Variants in LAMC1 observed in about 807,000 individuals in gnomAD.
The protein encoded by LAMC1 is laminin subunit gamma 1.
In LAMC1, 38 loss-of-function variants were observed where a neutral mutation model predicts 173.6. The ratio of observed to expected loss-of-function variants is 0.22; its 90% CI spans 0.17 to 0.29. The LOEUF (loss-of-function observed/expected upper bound fraction) is 0.29. LAMC1 is among the 10% of genes least tolerant of loss of function. LAMC1 has a pLI of 1.00. For missense variants in LAMC1, 1,824 were observed against 2,051.8 expected (o/e 0.89, Z 2.14); for synonymous variants, 746 against 749.1 (o/e 1.00, Z 0.07).
In LAMC1 at chr1:183,145,289, C is replaced by T. The variant is rs1001178822; in HGVS notation, c.*2499C>T. ...AGATGATACCTTAATTACACTCCCG[C>T]AACACAGCCATTATTTTATTGTCTA... is the stretch of plus-strand genomic sequence containing the variant. On this transcript the variant is annotated 3_prime_UTR_variant, in exon 28 of 28. Transcript: ENST00000258341. 1 of 152,610 alleles carries T rather than the reference C, an allele frequency of 6.6e-6. No homozygotes were observed. Among genetic ancestry groups the T allele is most frequent in the Non-Finnish European group, 1.5e-5 (1 of 68,036 alleles). The allele number at this position is 152,610 out of a possible 1,614,324, so 9.5% of individuals were successfully genotyped here.
At chr1:183,107,477 C>CGAGT (rs1558050102) in intron 2 of LAMC1, among the ~76,000 whole-genome samples, 1 of 152,114 alleles carries the variant, frequency 6.6e-6, no homozygotes, top group Non-Finnish European at 1.5e-5. Context: ...AGTACTTGAG[C>CGAGT]ATCTCCCTCA....
chr1:183,107,402 G>A (rs1656007997), intron 2 of LAMC1, among the ~76,000 whole-genome samples: 2 of 152,128 alleles, frequency 1.3e-5, no homozygotes, highest in South Asian at 2.1e-4. Flanking sequence ...TGATATTGTG[G>A]GGAGGGTCAA....
At chr1:183,060,393 GA>G (rs113876062) in intron 1 of LAMC1, among the ~76,000 whole-genome samples, 1,853 of 102,484 alleles carry the variant, frequency 0.018, 28 homozygotes, top group African/African-American at 0.051. Flanking sequence ...TCTCAAAAAA[GA>G]AAAAAAAAAA....
chr1:183,117,343 CAG>C lies in LAMC1; in HGVS notation c.1594_1595del (p.Asp532TrpfsTer3), dbSNP rs766731876. The C allele has an allele frequency of 6.2e-7, 1 of 1,611,214 alleles. No homozygotes were observed. Among genetic ancestry groups the C allele is most frequent in the South Asian group, 1.1e-5 (1 of 91,004 alleles). On this transcript the variant is annotated frameshift_variant, in exon 9 of 28. Transcript: ENST00000258341. LOFTEE classifies it high-confidence loss of function. ...QIDEDGWRAE[Q>X]RDGSEASLEW... ...AGATGAGGATGGGTGGCGTGCGGAA[CAG>C]AGAGATGGCTCTGAAGCATCTCTCG...
chr1:183,081,942 C>T (rs1273308414), intron 1 of LAMC1, among the ~76,000 whole-genome samples: 1 of 152,296 alleles, frequency 6.6e-6, no homozygotes, highest in African/African-American at 2.4e-5. Flanking sequence ...ATCACAGACC[C>T]TTTTACTGTC....
At chr1:183,056,849 C>T (rs997613613) in intron 1 of LAMC1, among the ~76,000 whole-genome samples, 5 of 152,202 alleles carry the variant, frequency 3.3e-5, no homozygotes, top group African/African-American at 4.8e-5. Context: ...CAGACTTGTA[C>T]TTCATGGGAC....
intron 1 of LAMC1, among the ~76,000 whole-genome samples, chr1:183,055,986 CTT>C (rs1654583866): frequency 1.3e-5 from 2 of 152,150 alleles, no homozygotes; most frequent in African/African-American, 4.8e-5. Context: ...TAAAAAGTGT[CTT>C]GTGTATGGAA....
chr1:183,035,301 A>G (rs1653951958), intron 1 of LAMC1, among the ~76,000 whole-genome samples: 1 of 152,146 alleles, frequency 6.6e-6, no homozygotes, highest in South Asian at 2.1e-4. Context: ...CAAACCTCCC[A>G]CCTCAGCCTC....
At position 183,144,921 on chromosome 1, in the gene LAMC1, A is replaced by G. The variant is rs1657215649; in HGVS notation, c.*2131A>G. On this transcript the variant is annotated 3_prime_UTR_variant, in exon 28 of 28. Coordinates refer to ENST00000258341, the MANE Select transcript of LAMC1 (RefSeq NM_002293.4). ...AGTTTACCACAAGTGTTTTGACGAT[A>G]TACTCCTGAGCTTTCACTCTGCTGC... is the stretch of plus-strand genomic sequence containing the variant. 1 of 152,176 alleles carries G rather than the reference A, an allele frequency of 6.6e-6. No homozygotes were observed. The highest frequency in any genetic ancestry group is 6.5e-5 in the Admixed American group (1 of 15,270). The allele number at this position is 152,176 out of a possible 1,614,324, so 9.4% of individuals were successfully genotyped here.
At chr1:183,140,065 A>G (rs1657062616) in intron 26 of LAMC1, among the ~76,000 whole-genome samples, 1 of 152,024 alleles carries the variant, frequency 6.6e-6, no homozygotes, top group Non-Finnish European at 1.5e-5. Flanking sequence ...TTTCTGCTTA[A>G]TAGGCTTTAC....
intron 1 of LAMC1, among the ~76,000 whole-genome samples, chr1:183,058,736 G>A (rs1187655650): frequency 6.6e-6 from 1 of 152,152 alleles, no homozygotes; most frequent in Non-Finnish European, 1.5e-5. Flanking sequence ...GTGTGGGTGT[G>A]AGTACCTTCC....
chr1:183,032,875 C>T (rs1435526140), intron 1 of LAMC1, among the ~76,000 whole-genome samples: 1 of 152,048 alleles, frequency 6.6e-6, no homozygotes, highest in Non-Finnish European at 1.5e-5. Context: ...AATGACCAGT[C>T]TCTTTTTTTT....
At position 183,116,858 on chromosome 1, in the gene LAMC1, G is replaced by A; in HGVS notation, c.1519G>A (p.Ala507Thr). 4 of 1,613,800 alleles carry A rather than the reference G, an allele frequency of 2.5e-6. No individual in the cohort carries two copies. The highest frequency in any genetic ancestry group is 2.2e-5 in the South Asian group (2 of 91,074). The change falls in exon 8 of 28, where the codon GCT becomes ACT. Residue 507 changes from alanine to threonine, a missense_variant. Physicochemically the swap from Ala to Thr is moderately conservative, Grantham distance 58 (BLOSUM62 0). Coordinates refer to ENST00000258341, the MANE Select transcript of LAMC1 (RefSeq NM_002293.4). ...CFGHSSVCTN[A>T]VGYSVYSISS... ...TGGGCATTCTTCTGTCTGTACAAAC[G>A]CTGTTGGCTACAGTGTTTATTCTAT...
chr1:183,139,395 G>A lies in LAMC1; in HGVS notation c.4474-1009G>A, dbSNP rs574331511. 7.9e-5 allele frequency among the ~76,000 whole-genome samples: 12 copies of A among 152,288 alleles called. No homozygotes were observed. The South Asian group carries it at 2.5e-3, about 32-fold the overall frequency. ...TTTATAGCTTCATTCTTTTGGAAGA[G>A]GAGGCTGGAGACCACAGGTTAAATG... is the stretch of plus-strand genomic sequence containing the variant. On this transcript the variant is annotated intron_variant, in intron 26 of 27. Transcript: ENST00000258341.
intron 1 of LAMC1, among the ~76,000 whole-genome samples, chr1:183,077,276 C>G (rs953952735): frequency 9.9e-5 from 15 of 152,062 alleles, no homozygotes; most frequent in African/African-American, 3.6e-4. Context: ...ACATTGTGAT[C>G]CTGTTAGTCG....
intron 13 of LAMC1, among the ~76,000 whole-genome samples, chr1:183,122,849 G>C (rs1656515239): frequency 6.6e-6 from 1 of 152,082 alleles, no homozygotes. Context: ...AGCCAAATCA[G>C]CTCCTGGTAG....
At chr1:183,052,550 T>C (rs1040861993) in intron 1 of LAMC1, among the ~76,000 whole-genome samples, 4 of 152,154 alleles carry the variant, frequency 2.6e-5, no homozygotes, top group Admixed American at 1.3e-4. Flanking sequence ...GCCAGGCTGG[T>C]CTCTTAACTC....
chr1:183,077,603 G>C (rs1003410451), intron 1 of LAMC1, among the ~76,000 whole-genome samples: 34 of 151,534 alleles, frequency 2.2e-4, no homozygotes, highest in African/African-American at 7.5e-4. Flanking sequence ...TCTTTCTTAG[G>C]CTTTTGCATC....
At chr1:183,057,090 A>G (rs1241630744) in intron 1 of LAMC1, among the ~76,000 whole-genome samples, 3 of 152,216 alleles carry the variant, frequency 2.0e-5, no homozygotes, top group South Asian at 4.1e-4. Context: ...CTGTAAGGAT[A>G]AGGAAAATGC....
Sources: gnomAD v4.1 joint callset for allele counts (sites outside exome capture counted in the v4.1 genomes callset) on GRCh38, gnomAD v4.1.1 for gene constraint, MANE v1.5 for transcripts, NCBI Gene and HGNC (gene_info 2026-07-23, HGNC 2026-07-21) for gene names.